MACROD2: variants seen among roughly 807,000 people sequenced by gnomAD.
MACROD2 encodes mono-ADP ribosylhydrolase 2.
MACROD2 carries 36 observed loss-of-function variants against 70.4 expected under a neutral mutation model. That is an observed-to-expected ratio of 0.51 (90% confidence interval 0.39 to 0.68). The LOEUF (loss-of-function observed/expected upper bound fraction) is 0.68, where lower values mean the gene tolerates loss of function less well. MACROD2 is among the 30% of genes least tolerant of loss of function. MACROD2 has a pLI of 0.00. For missense variants in MACROD2, 496 were observed against 538.4 expected, an observed-to-expected ratio of 0.92 and a Z score of 0.78; for synonymous variants, 172 against 178.8, an observed-to-expected ratio of 0.96 and a Z score of 0.30.
At chr20:14,455,689 C>T (rs1228443778) in intron 3 of MACROD2, among the ~76,000 whole-genome samples, 2 of 151,692 alleles carry the variant, frequency 1.3e-5, no homozygotes, top group Non-Finnish European at 2.9e-5. Context: ...CTTCACTTGT[C>T]TATGAACCAA....
intron 8 of MACROD2, among the ~76,000 whole-genome samples, chr20:15,734,103 C>A (rs534042173): frequency 6.6e-6 from 1 of 152,234 alleles, no homozygotes; most frequent in South Asian, 2.1e-4. Flanking sequence ...ACAAATTTTA[C>A]AGAGGGTGTT....
intron 2 of MACROD2, among the ~76,000 whole-genome samples, chr20:14,054,702 A>T (rs1341680390): frequency 6.6e-6 from 1 of 152,174 alleles, no homozygotes; most frequent in Non-Finnish European, 1.5e-5. Context: ...GATGTCACAG[A>T]GAGGTGTAGA....
At chr20:15,894,437 C>G (rs1166429078) in intron 10 of MACROD2, among the ~76,000 whole-genome samples, 1 of 152,154 alleles carries the variant, frequency 6.6e-6, no homozygotes, top group Admixed American at 6.5e-5. Flanking sequence ...TGCAGGTGTC[C>G]TCAGCTTCCT....
At chr20:14,995,458 T>C (rs1325166868) in intron 5 of MACROD2, among the ~76,000 whole-genome samples, 1 of 152,000 alleles carries the variant, frequency 6.6e-6, no homozygotes, top group Non-Finnish European at 1.5e-5. Context: ...GGAAGATTGC[T>C]TGCACCAAGG....
chr20:15,893,938 G>T, intron 10 of MACROD2: 1 of 456,726 alleles, frequency 2.2e-6, no homozygotes, highest in South Asian at 1.5e-5. Flanking sequence ...GCCTCAGTCT[G>T]CAGTGCAGTC....
chr20:14,292,400 A>G (rs1274803285), intron 3 of MACROD2, among the ~76,000 whole-genome samples: 1 of 151,868 alleles, frequency 6.6e-6, no homozygotes, highest in African/African-American at 2.4e-5. Flanking sequence ...GCTGCTGAAC[A>G]TATGCAGAAG....
Position 16,000,951 on chromosome 20 carries a change from G to A in MACROD2, c.1153+13793G>A, listed in dbSNP as rs140381394. Among the ~76,000 whole-genome samples, 48 of 152,276 alleles carry A rather than the reference G, an allele frequency of 3.2e-4. 2 individuals carry two copies. The East Asian group carries it at 9.3e-3, about 29-fold the overall frequency. On this transcript the variant is annotated intron_variant, in intron 15 of 17. Transcript: ENST00000684519. Reference sequence around the variant, plus strand: ...CATTTACATAAAAGGCTTTATTTTAGTAAACGAATGGCCACAAACTATTAT... The same window carrying A: ...CATTTACATAAAAGGCTTTATTTTAATAAACGAATGGCCACAAACTATTAT...
At position 14,203,491 on chromosome 20, in the gene MACROD2, G is replaced by A. The variant is rs148892785; in HGVS notation, c.271+117763G>A. Among the ~76,000 whole-genome samples, 10 of 152,098 alleles carry A rather than the reference G, an allele frequency of 6.6e-5. No homozygotes were observed. The East Asian group carries it at 1.9e-3, about 29-fold the overall frequency. On this transcript the variant is annotated intron_variant, in intron 3 of 17. Coordinates refer to ENST00000684519, the MANE Select transcript of MACROD2 (RefSeq NM_001351661.2). ...CTTGTGTCCTTCTGTTGATACCTGT[G>A]CATCTGATGTAACATTTATTTCTTC... is the stretch of plus-strand genomic sequence containing the variant.
chr20:14,097,054 T>G (rs1480626296), intron 3 of MACROD2, among the ~76,000 whole-genome samples: 1 of 152,214 alleles, frequency 6.6e-6, no homozygotes, highest in Non-Finnish European at 1.5e-5. Flanking sequence ...ATCCCACACT[T>G]AGAACAACCC....
chr20:15,220,473 T>C (rs1200433877), intron 5 of MACROD2, among the ~76,000 whole-genome samples: 1 of 152,226 alleles, frequency 6.6e-6, no homozygotes, highest in Non-Finnish European at 1.5e-5. Context: ...GCAAGAATCT[T>C]GGGACATAGG....
intron 6 of MACROD2, among the ~76,000 whole-genome samples, chr20:15,379,779 C>CA (rs1290026779): frequency 6.6e-6 from 1 of 152,148 alleles, no homozygotes; most frequent in East Asian, 1.9e-4. Context: ...TCCTCTAACT[C>CA]AATCTCTAAA....
At chr20:15,959,519 T>G (rs1475089903) in intron 12 of MACROD2, among the ~76,000 whole-genome samples, 1 of 152,152 alleles carries the variant, frequency 6.6e-6, no homozygotes, top group Admixed American at 6.6e-5. Context: ...TAAAGTAATA[T>G]TTGTTTTTTG....
intron 5 of MACROD2, among the ~76,000 whole-genome samples, chr20:14,873,074 A>G (rs1292042821): frequency 4.6e-5 from 7 of 152,176 alleles, no homozygotes; most frequent in African/African-American, 1.7e-4. Context: ...ATTACAATTC[A>G]AGATGAGATT....
intron 3 of MACROD2, among the ~76,000 whole-genome samples, chr20:14,295,471 C>A (rs552871670): frequency 6.6e-6 from 1 of 151,648 alleles, no homozygotes. Flanking sequence ...TGAAACAGAG[C>A]CCAGCCAACT....
chr20:15,219,683 G>A (rs2076841314), intron 5 of MACROD2, among the ~76,000 whole-genome samples: 1 of 152,168 alleles, frequency 6.6e-6, no homozygotes, highest in South Asian at 2.1e-4. Flanking sequence ...GTGCAGAGCT[G>A]TCCTATGAAT....
At chr20:14,037,743 C>T (rs2053333723) in intron 2 of MACROD2, among the ~76,000 whole-genome samples, 1 of 152,074 alleles carries the variant, frequency 6.6e-6, no homozygotes, top group Admixed American at 6.5e-5. Context: ...TTGCTGGGTG[C>T]AGTGGCTCAT....
chr20:15,904,800 GAA>G (rs2065119423), intron 10 of MACROD2, among the ~76,000 whole-genome samples: 2 of 150,550 alleles, frequency 1.3e-5, no homozygotes, highest in South Asian at 4.2e-4. Context: ...AGAATGATGT[GAA>G]GCTGGGAGGC....
intron 8 of MACROD2, among the ~76,000 whole-genome samples, chr20:15,680,481 T>C (rs1226325017): frequency 2.6e-5 from 4 of 151,852 alleles, no homozygotes. Context: ...TGTTGGAATA[T>C]TGTGAAAGCA....
intron 4 of MACROD2, among the ~76,000 whole-genome samples, chr20:14,511,882 C>A (rs1316203712): frequency 6.6e-6 from 1 of 151,670 alleles, no homozygotes; most frequent in Non-Finnish European, 1.5e-5. Context: ...GAACCTCTAA[C>A]CTCAATTCTT....
Sources: gnomAD v4.1 joint callset for allele counts (sites outside exome capture counted in the v4.1 genomes callset) on GRCh38, gnomAD v4.1.1 for gene constraint, MANE v1.5 for transcripts, NCBI Gene and HGNC (gene_info 2026-07-23, HGNC 2026-07-21) for gene names.